DPP6: variants seen among roughly 807,000 people sequenced by gnomAD.
DPP6 encodes the protein A-type potassium channel modulatory protein DPP6.
In DPP6, 69 loss-of-function variants were observed where a neutral mutation model predicts 122.6. The observed-to-expected ratio is 0.56, with a 90% CI of 0.46 to 0.69. DPP6 has a LOEUF of 0.69. DPP6 is among the 30% of genes least tolerant of loss of function. The pLI is 0.00. For synonymous variants in DPP6, 418 were observed against 433.1 expected (o/e 0.97, Z 0.43); for missense variants, 928 against 1,116.9 (o/e 0.83, Z 2.41).
chr7:154,276,923 A>T (rs927485011), intron 1 of DPP6, among the ~76,000 whole-genome samples: 2 of 152,142 alleles, frequency 1.3e-5, no homozygotes, highest in African/African-American at 4.8e-5. Flanking sequence ...CTTTTCCAAC[A>T]CACATATTCT....
At chr7:154,836,330 C>G (rs775361435) in intron 16 of DPP6, among the ~76,000 whole-genome samples, 2 of 152,226 alleles carry the variant, frequency 1.3e-5, no homozygotes, top group Non-Finnish European at 2.9e-5. Context: ...CTGAAGCACA[C>G]AGCACTGCCT....
At chr7:154,607,286 G>A (rs139147065) in intron 5 of DPP6, among the ~76,000 whole-genome samples, 2,601 of 119,094 alleles carry the variant, frequency 0.022, 502 homozygotes, top group African/African-American at 0.065. Context: ...TGAGCCGGGC[G>A]CGGTGGCTCA....
intron 16 of DPP6, among the ~76,000 whole-genome samples, chr7:154,811,750 T>G (rs1310444188): frequency 6.6e-6 from 1 of 152,156 alleles, no homozygotes; most frequent in Admixed American, 6.5e-5. Context: ...TAGAGCAACG[T>G]TTAGTCAATG....
intron 1 of DPP6, among the ~76,000 whole-genome samples, chr7:153,929,177 A>C (rs1299299766): frequency 6.6e-6 from 1 of 152,068 alleles, no homozygotes; most frequent in East Asian, 1.9e-4. Context: ...AAGCAGGGAC[A>C]CCCTTCAGGA....
chr7:154,588,852 C>T (rs753549349), intron 5 of DPP6, among the ~76,000 whole-genome samples: 20 of 152,182 alleles, frequency 1.3e-4, no homozygotes, highest in Non-Finnish European at 2.8e-4. Context: ...GCTTATTAAA[C>T]TGTGACAGTT....
chr7:154,628,085 G>A (rs56329865), intron 5 of DPP6, among the ~76,000 whole-genome samples: 7,464 of 152,206 alleles, frequency 0.049, 212 homozygotes, highest in Non-Finnish European at 0.061. Flanking sequence ...GTTTCTGAGC[G>A]GGAAGGAATG....
intron 8 of DPP6, among the ~76,000 whole-genome samples, chr7:154,763,728 G>A (rs1190513973): frequency 6.6e-6 from 1 of 152,162 alleles, no homozygotes; most frequent in Non-Finnish European, 1.5e-5. Flanking sequence ...AATTTCCCCA[G>A]AGAACCCTAA....
rs192325115 is a variant in DPP6, at chr7:154,767,246, T to C, written c.884-2171T>C. 4.6e-5 allele frequency among the ~76,000 whole-genome samples: 7 copies of C among 152,274 alleles called. No individual in the cohort carries two copies. In the East Asian group the frequency reaches 1.4e-3, roughly 29 times the overall value. The stretch of plus-strand genomic sequence containing the variant: ...GGCTCTGCACCTTCTCGCTCTGCCC[T>C]GTGAATTCTGCTCACTCCCAGGGAC... On this transcript the variant is annotated intron_variant, in intron 8 of 25. Coordinates refer to ENST00000377770, the MANE Select transcript of DPP6 (RefSeq NM_130797.4).
chr7:154,882,322 G>A (rs966060690), intron 21 of DPP6, among the ~76,000 whole-genome samples: 13 of 152,216 alleles, frequency 8.5e-5, no homozygotes, highest in African/African-American at 2.7e-4. Flanking sequence ...TCTGAGCTCC[G>A]TGCTGGGGAT....
At chr7:154,549,826 ACC>A (rs1400961344) in intron 4 of DPP6, among the ~76,000 whole-genome samples, 1 of 151,954 alleles carries the variant, frequency 6.6e-6, no homozygotes. Flanking sequence ...TAATGAATCA[ACC>A]TCCAGTCTCT....
intron 17 of DPP6, among the ~76,000 whole-genome samples, chr7:154,859,619 A>G (rs1194505409): frequency 3.9e-5 from 6 of 152,208 alleles, no homozygotes; most frequent in African/African-American, 1.4e-4. Flanking sequence ...CTTATCTACA[A>G]ACAGAGCCTG....
chr7:154,818,092 G>C (rs946061374), intron 16 of DPP6, among the ~76,000 whole-genome samples: 1 of 152,108 alleles, frequency 6.6e-6, no homozygotes, highest in Non-Finnish European at 1.5e-5. Context: ...TGAGGTGAAG[G>C]GGCTTATTTT....
At chr7:154,164,931 G>A (rs1365676169) in intron 1 of DPP6, among the ~76,000 whole-genome samples, 2 of 152,032 alleles carry the variant, frequency 1.3e-5, no homozygotes, top group Admixed American at 6.6e-5. Flanking sequence ...GAACTGTTAT[G>A]CTCAAGTTTT....
intron 1 of DPP6, among the ~76,000 whole-genome samples, chr7:154,251,755 CG>C (rs1471876225): frequency 6.6e-6 from 1 of 152,038 alleles, no homozygotes; most frequent in East Asian, 1.9e-4. Flanking sequence ...AGATGAAGGC[CG>C]GAAGTCTCAG....
At chr7:154,406,455 ATG>A (rs1291125994) in intron 1 of DPP6, among the ~76,000 whole-genome samples, 8 of 137,036 alleles carry the variant, frequency 5.8e-5, no homozygotes, top group African/African-American at 2.8e-4. Context: ...ACACGCACAC[ATG>A]CACATGCACA....
At chr7:153,825,517 A>G in the DPP6 span, among the ~76,000 whole-genome samples, 1 of 151,978 alleles carries the variant, frequency 6.6e-6, no homozygotes, top group African/African-American at 2.4e-5. Flanking sequence ...AGTGCCCCTT[A>G]GGGACATGCA....
intron 1 of DPP6, among the ~76,000 whole-genome samples, chr7:154,443,557 C>T (rs1038493962): frequency 1.1e-4 from 16 of 145,326 alleles, no homozygotes; most frequent in Admixed American, 4.1e-4. Flanking sequence ...AATGGATGGA[C>T]GGATGTGGAT....
chr7:154,871,782 A>G (rs1175629171), intron 18 of DPP6, among the ~76,000 whole-genome samples: 4 of 152,222 alleles, frequency 2.6e-5, no homozygotes, highest in Admixed American at 2.0e-4. Context: ...CTGTGTAGTA[A>G]TTGTATTGAA....
the DPP6 span, among the ~76,000 whole-genome samples, chr7:153,800,665 C>A: frequency 3.3e-5 from 5 of 152,038 alleles, no homozygotes; most frequent in Admixed American, 1.3e-4. Context: ...TACAGGCATG[C>A]ACCACCGTGC....
Sources: allele counts gnomAD v4.1 joint callset (sites outside exome capture counted in the v4.1 genomes callset), GRCh38; gene constraint gnomAD v4.1.1; transcripts MANE v1.5; gene names NCBI Gene and HGNC (gene_info 2026-07-23, HGNC 2026-07-21).